UNC5D: variants seen among roughly 807,000 people sequenced by gnomAD.
The protein encoded by UNC5D is netrin receptor UNC5D.
A neutral mutation model predicts 105.4 loss-of-function variants in UNC5D; 39 were observed. The ratio of observed to expected loss-of-function variants is 0.37; its 90% CI spans 0.29 to 0.48. The LOEUF (loss-of-function observed/expected upper bound fraction) is 0.48, where lower values mean the gene tolerates loss of function less well. Ranked by LOEUF, UNC5D falls within the 20% of genes least tolerant of loss-of-function variation. The probability of loss-of-function intolerance (pLI) is 0.98; values close to 1 mark genes in which losing one functional copy is unlikely to be tolerated. For missense variants in UNC5D, 991 were observed against 1,202.4 expected, an observed-to-expected ratio of 0.82 and a Z score of 2.60; for synonymous variants, 452 against 450.4, an observed-to-expected ratio of 1.00 and a Z score of -0.04.
intron 4 of UNC5D, among the ~76,000 whole-genome samples, chr8:35,658,798 A>C (rs1027130860): frequency 5.3e-5 from 8 of 151,936 alleles, no homozygotes; most frequent in Non-Finnish European, 7.4e-5. Context: ...ACTACAGGCG[A>C]CTGATACCAC....
rs1809376533 is a variant in UNC5D, at chr8:35,467,301, CA to C, written c.104-81989del. ...CAGCTGAGGTTACCTGTTCTTTCCT[CA>C]ATGCTGAATTCATCATGGAACTGTG... On this transcript the variant is annotated intron_variant, in intron 1 of 16. Coordinates refer to ENST00000404895, the MANE Select transcript of UNC5D (RefSeq NM_080872.4). Among the ~76,000 whole-genome samples, 5 of 152,174 alleles carry C rather than the reference CA, an allele frequency of 3.3e-5. No homozygotes were observed. The Middle Eastern group carries it at 0.01, about 311-fold the overall frequency.
At chr8:35,759,246 T>C (rs1830649156) in intron 13 of UNC5D, 74 bp from the exon 14 acceptor site, 1 of 1,544,886 alleles carries the variant, frequency 6.5e-7, no homozygotes, top group African/African-American at 1.4e-5. Flanking sequence ...TGAGCATGTG[T>C]ATCCCTAGAT....
intron 4 of UNC5D, among the ~76,000 whole-genome samples, chr8:35,623,563 G>A (rs886848687): frequency 6.6e-6 from 1 of 152,068 alleles, no homozygotes; most frequent in Non-Finnish European, 1.5e-5. Context: ...TCGGGGCCGC[G>A]AGTGGCTCCC....
intron 1 of UNC5D, among the ~76,000 whole-genome samples, chr8:35,296,449 T>G (rs1329859200): frequency 6.6e-6 from 1 of 152,200 alleles, no homozygotes; most frequent in Admixed American, 6.5e-5. Flanking sequence ...GATGGAGTTT[T>G]GCTCTTGTTG....
At chr8:35,475,008 G>A (rs556802584) in intron 1 of UNC5D, among the ~76,000 whole-genome samples, 3 of 152,062 alleles carry the variant, frequency 2.0e-5, no homozygotes, top group African/African-American at 4.8e-5. Context: ...AGGAAATGGG[G>A]GTTGATTTCA....
intron 3 of UNC5D, among the ~76,000 whole-genome samples, chr8:35,573,894 CA>C (rs1204173531): frequency 2.0e-5 from 3 of 152,098 alleles, no homozygotes; most frequent in Non-Finnish European, 4.4e-5. Flanking sequence ...GGCCTAGTTT[CA>C]AAAGTGATTT....
intron 3 of UNC5D, among the ~76,000 whole-genome samples, chr8:35,586,924 G>A (rs1220945979): frequency 6.6e-6 from 1 of 152,102 alleles, no homozygotes; most frequent in African/African-American, 2.4e-5. Context: ...ATTTTCTTGT[G>A]CTACAATGAC....
chr8:35,642,195 C>G (rs781673133), intron 4 of UNC5D, among the ~76,000 whole-genome samples: 5 of 152,090 alleles, frequency 3.3e-5, no homozygotes, highest in African/African-American at 1.2e-4. Flanking sequence ...CACATTCATA[C>G]GATCAGAATT....
chr8:35,473,940 A>G (rs1395860065), intron 1 of UNC5D, among the ~76,000 whole-genome samples: 1 of 152,164 alleles, frequency 6.6e-6, no homozygotes, highest in East Asian at 1.9e-4. Flanking sequence ...GCAGAAGGGC[A>G]AAGAAAGCAA....
At chr8:35,236,450 G>C (rs569012756) in intron 1 of UNC5D, among the ~76,000 whole-genome samples, 24 of 152,372 alleles carry the variant, frequency 1.6e-4, no homozygotes, top group Non-Finnish European at 2.8e-4. Flanking sequence ...CCTGGAGCTC[G>C]GGAGAGCGGC....
intron 1 of UNC5D, among the ~76,000 whole-genome samples, chr8:35,528,231 A>T (rs375011127): frequency 1.1e-4 from 16 of 148,562 alleles, no homozygotes; most frequent in Middle Eastern, 3.5e-3. Flanking sequence ...AGAGTGTGAT[A>T]TTCCCCTTCC....
At chr8:35,364,139 C>A (rs1801986381) in intron 1 of UNC5D, among the ~76,000 whole-genome samples, 1 of 152,088 alleles carries the variant, frequency 6.6e-6, no homozygotes, top group Non-Finnish European at 1.5e-5. Context: ...GCACTTCAGC[C>A]TGGGTGACAG....
chr8:35,697,148 C>T (rs892031476), intron 7 of UNC5D, among the ~76,000 whole-genome samples: 1 of 151,832 alleles, frequency 6.6e-6, no homozygotes, highest in Non-Finnish European at 1.5e-5. Flanking sequence ...CATACACACA[C>T]ACACACACAC....
chr8:35,509,803 G>T (rs1028187583), intron 1 of UNC5D, among the ~76,000 whole-genome samples: 67 of 151,916 alleles, frequency 4.4e-4, no homozygotes, highest in African/African-American at 1.5e-3. Flanking sequence ...CCACACAATT[G>T]TCTCCACTTC....
At chr8:35,300,430 G>A (rs1404069289) in intron 1 of UNC5D, among the ~76,000 whole-genome samples, 1 of 117,196 alleles carries the variant, frequency 8.5e-6, no homozygotes, top group Non-Finnish European at 1.6e-5. Flanking sequence ...CTGGGCAACA[G>A]AGAGAGACTC....
chr8:35,372,042 C>T (rs1303371354), intron 1 of UNC5D, among the ~76,000 whole-genome samples: 1 of 152,144 alleles, frequency 6.6e-6, no homozygotes, highest in Non-Finnish European at 1.5e-5. Context: ...GTACTTTTCC[C>T]CCTCACCCTG....
chr8:35,319,086 G>T (rs1809517585), intron 1 of UNC5D, among the ~76,000 whole-genome samples: 1 of 152,068 alleles, frequency 6.6e-6, no homozygotes, highest in Non-Finnish European at 1.5e-5. Context: ...CCCATATGTT[G>T]TCTGTGTGAA....
At chr8:35,470,959 C>T (rs2579880) in intron 1 of UNC5D, among the ~76,000 whole-genome samples, 37,948 of 151,754 alleles carry the variant, frequency 0.25, 5,169 homozygotes, top group African/African-American at 0.37. Context: ...GGGTTGAGTT[C>T]CCATTTTGTA....
At chr8:35,660,916 A>AC (rs1824065129) in intron 4 of UNC5D, among the ~76,000 whole-genome samples, 1 of 151,940 alleles carries the variant, frequency 6.6e-6, no homozygotes, top group African/African-American at 2.4e-5. Context: ...ACATAGTGAG[A>AC]CCCCTTCTCT....
Sources: gnomAD v4.1 joint callset for allele counts (sites outside exome capture counted in the v4.1 genomes callset) on GRCh38, gnomAD v4.1.1 for gene constraint, MANE v1.5 for transcripts, NCBI Gene and HGNC (gene_info 2026-07-23, HGNC 2026-07-21) for gene names.